Variants in RBFOX1 observed in about 807,000 individuals in gnomAD.
RBFOX1 encodes the protein RNA binding protein fox-1 homolog 1.
Under a neutral mutation model 57.7 loss-of-function variants are expected in RBFOX1, and 8 were observed. The ratio of observed to expected loss-of-function variants is 0.14; its 90% CI spans 0.08 to 0.25. The LOEUF (loss-of-function observed/expected upper bound fraction) is 0.25. Ranked by LOEUF, RBFOX1 falls within the 10% of genes least tolerant of loss-of-function variation. The pLI is 1.00. For synonymous variants in RBFOX1, 326 were observed against 222.4 expected (o/e 1.47, Z -4.15); for missense variants, 611 against 548.5 (o/e 1.11, Z -1.14).
At chr16:5,469,421 A>G (rs1026059495) in intron 2 of RBFOX1, among the ~76,000 whole-genome samples, 2 of 152,222 alleles carry the variant, frequency 1.3e-5, no homozygotes, top group African/African-American at 4.8e-5. Flanking sequence ...GGATTATCCC[A>G]GGTGCCTTAT....
intron 4 of RBFOX1, among the ~76,000 whole-genome samples, chr16:6,005,780 A>C (rs2060682924): frequency 2.0e-5 from 3 of 152,226 alleles, no homozygotes; most frequent in Admixed American, 1.3e-4. Flanking sequence ...TGATTCAGCC[A>C]GGAGGAGTTG....
intron 1 of RBFOX1, among the ~76,000 whole-genome samples, chr16:5,343,887 G>A (rs1316385984): frequency 1.3e-5 from 2 of 152,186 alleles, no homozygotes; most frequent in Non-Finnish European, 2.9e-5. Context: ...TTTGCAGTAT[G>A]TATACTGTGC....
intron 4 of RBFOX1, among the ~76,000 whole-genome samples, chr16:7,478,523 A>G (rs537181996): frequency 9.2e-5 from 14 of 152,304 alleles, no homozygotes; most frequent in African/African-American, 2.9e-4. Flanking sequence ...CCCTGGTACC[A>G]TGTCTGAAGT....
At chr16:6,144,667 A>T (rs1275996810) in intron 1 of RBFOX1, among the ~76,000 whole-genome samples, 1 of 152,214 alleles carries the variant, frequency 6.6e-6, no homozygotes, top group African/African-American at 2.4e-5. Flanking sequence ...TTCCGTGGAG[A>T]AGCACGATGC....
At chr16:7,701,254 G>A (rs899631695) in intron 14 of RBFOX1, among the ~76,000 whole-genome samples, 3 of 146,044 alleles carry the variant, frequency 2.1e-5, no homozygotes, top group Non-Finnish European at 4.4e-5. Context: ...TGCATTTTTA[G>A]TCATTTTGTA....
intron 1 of RBFOX1, among the ~76,000 whole-genome samples, chr16:6,269,908 AAGT>A (rs1398603443): frequency 6.6e-6 from 1 of 152,176 alleles, no homozygotes; most frequent in Non-Finnish European, 1.5e-5. Flanking sequence ...TTCAAAATAC[AAGT>A]AGTAGGAAGA....
In RBFOX1 at chr16:7,217,009, TTCCCTCCCTCCCTCCCTCCCTCCCTCCC is replaced by T. The variant is rs1199769051; in HGVS notation, c.27+164930_27+164957del. Among the ~76,000 whole-genome samples, 3 of 16,818 alleles carry T rather than the reference TTCCCTCCCTCCCTCCCTCCCTCCCTCCC, an allele frequency of 1.8e-4. 1 individual carries two copies. Among genetic ancestry groups the T allele is most frequent in the Non-Finnish European group, 3.3e-4 (3 of 9,080 alleles). 11.0% of individuals were successfully genotyped at this position (16,818 alleles called of 152,430 possible). ...TTTCCTTCCTTCCTCCCTCCCTCCC[TTCCCTCCCTCCCTCCCTCCCTCCCTCCC>T]TCCCTCCCTCCCTCCCTCTCTCTCC... On this transcript the variant is annotated intron_variant, in intron 4 of 15. Transcript: ENST00000550418.
chr16:7,057,301 C>G (rs1009186302), intron 4 of RBFOX1, among the ~76,000 whole-genome samples: 2 of 152,176 alleles, frequency 1.3e-5, no homozygotes, highest in Non-Finnish European at 1.5e-5. Flanking sequence ...TTCCAGCTAT[C>G]TTAAGCAGAA....
chr16:7,504,739 A>ATTTATATATATATT lies in RBFOX1; in HGVS notation c.28-13407_28-13406insTTATATATATATTT, dbSNP rs1555526342. Among the ~76,000 whole-genome samples, 8 of 7,980 alleles carry ATTTATATATATATT rather than the reference A, an allele frequency of 1.0e-3. 1 individual carries two copies. The highest frequency in any genetic ancestry group is 3.1e-3 in the Admixed American group (2 of 648). 5.2% of individuals were successfully genotyped at this position (7,980 alleles called of 152,430 possible). A position where few individuals can be genotyped will look rare whatever the true frequency, so the allele number is the denominator to read the frequency against. ...TATATATATATATATATATATATAT[A>ATTTATATATATATT]TATATATATATATATTTATATATAT... On this transcript the variant is annotated intron_variant, in intron 4 of 15. Coordinates refer to ENST00000550418, the MANE Select transcript of RBFOX1 (RefSeq NM_018723.4).
At chr16:7,441,819 C>T (rs1325813511) in intron 4 of RBFOX1, among the ~76,000 whole-genome samples, 2 of 152,170 alleles carry the variant, frequency 1.3e-5, no homozygotes, top group East Asian at 1.9e-4. Context: ...ACTCAGGACT[C>T]ACCTTCGCCC....
intron 3 of RBFOX1, among the ~76,000 whole-genome samples, chr16:5,731,807 A>G (rs151189513): frequency 1.3e-5 from 2 of 152,290 alleles, no homozygotes; most frequent in African/African-American, 2.4e-5. Context: ...ATCTTAGACA[A>G]TTTTCCAGTG....
intron 3 of RBFOX1, among the ~76,000 whole-genome samples, chr16:5,691,601 T>A (rs549935474): frequency 6.6e-6 from 1 of 152,336 alleles, no homozygotes; most frequent in African/African-American, 2.4e-5. Flanking sequence ...GCATTATACT[T>A]ATCAGTTGAG....
intron 1 of RBFOX1, among the ~76,000 whole-genome samples, chr16:5,336,243 A>C (rs1021624314): frequency 2.6e-5 from 4 of 152,270 alleles, no homozygotes; most frequent in Non-Finnish European, 4.4e-5. Flanking sequence ...GAGACCCTAG[A>C]AACGGGCACA....
Position 6,637,318 on chromosome 16 carries a change from T to TAA in RBFOX1, c.-63-17284_-63-17283insAA, listed in dbSNP as rs1491419214. Among the ~76,000 whole-genome samples, 59 of 23,502 alleles carry TAA rather than the reference T, an allele frequency of 2.5e-3. 4 individuals carry two copies. The highest frequency in any genetic ancestry group is 3.6e-3 in the Non-Finnish European group (50 of 13,826). 15.4% of individuals were successfully genotyped at this position (23,502 alleles called of 152,430 possible). On this transcript the variant is annotated intron_variant, in intron 2 of 15. Coordinates refer to ENST00000550418, the MANE Select transcript of RBFOX1 (RefSeq NM_018723.4). ...TAATATACAAATATATATTATATAT[T>TAA]ATATATATTATATAATATACAAATA...
chr16:7,421,239 G>C (rs2098539909), intron 4 of RBFOX1, among the ~76,000 whole-genome samples: 2 of 141,442 alleles, frequency 1.4e-5, no homozygotes, highest in Non-Finnish European at 1.5e-5. Flanking sequence ...AAGACAAAGA[G>C]AGAGAGAACA....
chr16:7,311,350 A>G (rs1016611906), intron 4 of RBFOX1, among the ~76,000 whole-genome samples: 3 of 152,252 alleles, frequency 2.0e-5, no homozygotes, highest in South Asian at 2.1e-4. Flanking sequence ...CAGGGATGCA[A>G]TGACTATTTT....
intron 2 of RBFOX1, among the ~76,000 whole-genome samples, chr16:6,614,931 T>A (rs973860282): frequency 6.6e-6 from 1 of 152,222 alleles, no homozygotes. Context: ...CCGTATCTTT[T>A]TGTTGCTAAC....
intron 1 of RBFOX1, among the ~76,000 whole-genome samples, chr16:6,195,129 A>G (rs547337979): frequency 8.3e-4 from 126 of 152,234 alleles, no homozygotes; most frequent in Admixed American, 1.8e-3. Flanking sequence ...ACCCAGGAGC[A>G]AACAGATGGC....
chr16:7,483,985 A>G (rs1395134565), intron 4 of RBFOX1, among the ~76,000 whole-genome samples: 1 of 152,114 alleles, frequency 6.6e-6, no homozygotes, highest in African/African-American at 2.4e-5. Context: ...CTTACGCTTT[A>G]TTTTCAGTCT....
Sources: gnomAD v4.1 joint callset for allele counts (sites outside exome capture counted in the v4.1 genomes callset) on GRCh38, gnomAD v4.1.1 for gene constraint, MANE v1.5 for transcripts, NCBI Gene and HGNC (gene_info 2026-07-23, HGNC 2026-07-21) for gene names.